PAAF1: variants seen among roughly 807,000 people sequenced by gnomAD.
The protein encoded by PAAF1 is proteasomal ATPase associated factor 1, also known as proteasomal ATPase-associated factor 1.
A neutral mutation model predicts 52.8 loss-of-function variants in PAAF1; 46 were observed. The observed-to-expected ratio is 0.87, with a 90% CI of 0.69 to 1.11. PAAF1 has a LOEUF of 1.11. PAAF1 is among the 50% of genes most tolerant of loss of function. PAAF1 has a pLI of 0.00. For synonymous variants in PAAF1, 178 were observed against 172.8 expected (o/e 1.03, Z -0.24); for missense variants, 424 against 477.4 (o/e 0.89, Z 1.04).
At chr11:73,912,524 C>G (rs1180712937) in intron 7 of PAAF1, among the ~76,000 whole-genome samples, 2 of 152,082 alleles carry the variant, frequency 1.3e-5, no homozygotes, top group Admixed American at 6.6e-5. Context: ...TCTCCCTCCC[C>G]CTCTCTCCCT....
intron 7 of PAAF1, 59 bp downstream of exon 7, chr11:73,909,652 C>T: frequency 1.3e-6 from 2 of 1,492,560 alleles, no homozygotes; most frequent in East Asian, 4.5e-5. Flanking sequence ...TCAGTGATTG[C>T]CTTAGTTTCT....
intron 4 of PAAF1, among the ~76,000 whole-genome samples, chr11:73,896,981 G>T (rs1469223450): frequency 7.8e-6 from 1 of 128,000 alleles, no homozygotes; most frequent in Non-Finnish European, 1.7e-5. Flanking sequence ...CGGGGGGGCT[G>T]ACCCCCCCAC....
intron 4 of PAAF1, among the ~76,000 whole-genome samples, chr11:73,896,713 C>T (rs530730088): frequency 2.0e-5 from 3 of 152,368 alleles, no homozygotes; most frequent in Admixed American, 6.5e-5. Context: ...TACACAGACA[C>T]GGCAACCATC....
chr11:73,877,659 G>C (rs1948780877), intron 1 of PAAF1, among the ~76,000 whole-genome samples: 1 of 152,202 alleles, frequency 6.6e-6, no homozygotes, highest in African/African-American at 2.4e-5. Flanking sequence ...ACTGAGATTG[G>C]TGGATCAGTT....
intron 6 of PAAF1, among the ~76,000 whole-genome samples, chr11:73,907,718 C>G (rs747429963): frequency 6.6e-6 from 1 of 152,200 alleles, no homozygotes; most frequent in African/African-American, 2.4e-5. Flanking sequence ...TGATCACCTC[C>G]TGTTCAGCCC....
intron 10 of PAAF1, among the ~76,000 whole-genome samples, chr11:73,920,760 G>A (rs1455857584): frequency 6.6e-6 from 1 of 151,588 alleles, no homozygotes; most frequent in Non-Finnish European, 1.5e-5. Flanking sequence ...GCTGAGGGAA[G>A]AGAATCACTT....
intron 10 of PAAF1, among the ~76,000 whole-genome samples, chr11:73,920,020 G>A: frequency 6.6e-6 from 1 of 151,716 alleles, no homozygotes; most frequent in East Asian, 1.9e-4. Flanking sequence ...GATCCAGGAT[G>A]TTAAGGAAAG....
At chr11:73,889,084 A>G in intron 3 of PAAF1, 1 of 877,612 alleles carries the variant, frequency 1.1e-6, no homozygotes, top group Non-Finnish European at 1.8e-6. Flanking sequence ...TGTTGATTCC[A>G]AGTTTAGCAC....
chr11:73,927,306 A>G lies in PAAF1; in HGVS notation c.1123A>G (p.Ile375Val). The change falls in exon 12 of 12, where the codon ATC (isoleucine) becomes GTC (valine). Residue 375 changes from isoleucine to valine, a missense_variant. Coordinates refer to ENST00000310571, the MANE Select transcript of PAAF1 (RefSeq NM_025155.3). ...TTAGGTAGCCACATGGGAGAAGCAG[A>G]TCTACACATGCTGTCGAGACGGTCT... ...VYKVATWEKQ[I>V]YTCCRDGLVR... 1 of 1,614,110 alleles carries G rather than the reference A, an allele frequency of 6.2e-7. No homozygotes were observed. Among genetic ancestry groups the G allele is most frequent in the Non-Finnish European group, 8.5e-7 (1 of 1,179,958 alleles).
intron 4 of PAAF1, among the ~76,000 whole-genome samples, chr11:73,897,813 T>C (rs1037527872): frequency 1.3e-4 from 20 of 152,002 alleles, no homozygotes; most frequent in African/African-American, 4.8e-4. Context: ...CTCGGCACTT[T>C]GGGAGGCCAA....
chr11:73,877,482 C>G (rs527624856), intron 1 of PAAF1, among the ~76,000 whole-genome samples: 1 of 152,202 alleles, frequency 6.6e-6, no homozygotes, highest in Admixed American at 6.5e-5. Flanking sequence ...ATTAGGCATA[C>G]TGGACGATAC....
chr11:73,890,897 T>C (rs532673779), intron 3 of PAAF1, among the ~76,000 whole-genome samples: 5 of 152,178 alleles, frequency 3.3e-5, no homozygotes, highest in Non-Finnish European at 7.3e-5. Context: ...AATGGCATCT[T>C]AGCAATACCA....
intron 6 of PAAF1, 83 bp downstream of exon 6, chr11:73,900,503 T>C (rs943308055): frequency 9.1e-6 from 13 of 1,435,662 alleles, no homozygotes; most frequent in Middle Eastern, 1.9e-4. Context: ...AGCTAGTTTA[T>C]TCACAAATAC....
intron 1 of PAAF1, 80 bp from the exon 2 acceptor site, chr11:73,878,699 G>T: frequency 2.3e-6 from 3 of 1,319,202 alleles, no homozygotes; most frequent in South Asian, 2.4e-5. Flanking sequence ...GAGGTTACAT[G>T]ACCTTCTTTC....
Position 73,900,327 on chromosome 11 carries a change from C to T in PAAF1, c.439C>T (p.Leu147Phe). 1 of 1,612,982 alleles carries T rather than the reference C, an allele frequency of 6.2e-7. No homozygotes were observed. The highest frequency in any genetic ancestry group is 2.2e-5 in the East Asian group (1 of 44,878). ...TTGTTGCAGGTTTTTCCCATCAGGC[C>T]TTGTGGTCCTGAGTGGGGGAATGGA... is the stretch of plus-strand genomic sequence containing the variant. ...VNCCRFFPSGLVVLSGGMDAQ... is the reference protein window; with the variant it reads ...VNCCRFFPSGFVVLSGGMDAQ... Residue 147 changes from leucine to phenylalanine, a missense_variant, in exon 6 of 12, where the codon CTT becomes TTT. Coordinates refer to ENST00000310571, the MANE Select transcript of PAAF1 (RefSeq NM_025155.3).
chr11:73,887,828 C>T (rs1393006146), intron 3 of PAAF1, among the ~76,000 whole-genome samples: 1 of 152,148 alleles, frequency 6.6e-6, no homozygotes, highest in East Asian at 1.9e-4. Flanking sequence ...TGGCTCACTG[C>T]AACTTCTGTC....
chr11:73,930,926 A>G lies in PAAF1; in HGVS notation c.*3564A>G, dbSNP rs1440584330. 1.3e-5 allele frequency: 2 copies of G among 151,924 alleles called. No homozygotes were observed. The highest frequency in any genetic ancestry group is 2.9e-5 in the Non-Finnish European group (2 of 67,980). 9.4% of individuals were successfully genotyped at this position (151,924 alleles called of 1,614,324 possible). A position where few individuals can be genotyped will look rare whatever the true frequency, so the allele number is the denominator to read the frequency against. On this transcript the variant is annotated 3_prime_UTR_variant, in exon 12 of 12. Coordinates refer to ENST00000310571, the MANE Select transcript of PAAF1 (RefSeq NM_025155.3). ...TTTGAGATCTATTGCATAGCATGGT[A>G]GATTGCTAAGAGTAAATTTCAAATG...
At position 73,899,194 on chromosome 11, in the gene PAAF1, AG is replaced by A; in HGVS notation, c.332del (p.Ser111IlefsTer6). The A allele has an allele frequency of 6.2e-7, 1 of 1,614,088 alleles. No homozygotes were observed. Among genetic ancestry groups the A allele is most frequent in the South Asian group, 1.1e-5 (1 of 91,068 alleles). ...CAGAGGAGGTCTTGGTGTGTCTTCT[AG>A]TACTGACGGGACCATGAAAATCTGG... is the stretch of plus-strand genomic sequence containing the variant. ...SSRGGLGVSS[S>X]TDGTMKIWQA... On this transcript the variant is annotated frameshift_variant, in exon 5 of 12. Coordinates refer to ENST00000310571, the MANE Select transcript of PAAF1 (RefSeq NM_025155.3). LOFTEE classifies it high-confidence loss of function.
intron 11 of PAAF1, among the ~76,000 whole-genome samples, chr11:73,926,352 C>T (rs924532455): frequency 6.6e-6 from 1 of 152,222 alleles, no homozygotes; most frequent in Non-Finnish European, 1.5e-5. Context: ...CCTGCCTCAG[C>T]CTCCCAAAGT....
Sources: allele counts gnomAD v4.1 joint callset (sites outside exome capture counted in the v4.1 genomes callset), GRCh38; gene constraint gnomAD v4.1.1; transcripts MANE v1.5; gene names NCBI Gene and HGNC (gene_info 2026-07-23, HGNC 2026-07-21).